Variants in NUFIP1 observed in about 807,000 individuals in gnomAD.
NUFIP1 encodes FMR1-interacting protein NUFIP1.
In NUFIP1, 38 loss-of-function variants were observed where a neutral mutation model predicts 56.2. The ratio of observed to expected loss-of-function variants is 0.68; its 90% CI spans 0.52 to 0.89. NUFIP1 has a LOEUF of 0.89. NUFIP1 is among the 40% of genes least tolerant of loss of function. The pLI is 0.00. For synonymous variants in NUFIP1, 215 were observed against 212.4 expected, an observed-to-expected ratio of 1.01 and a Z score of -0.10; for missense variants, 567 against 605.8, an observed-to-expected ratio of 0.94 and a Z score of 0.67.
chr13:44,959,937 T>C (rs1483043609), intron 6 of NUFIP1, among the ~76,000 whole-genome samples: 3 of 147,852 alleles, frequency 2.0e-5, no homozygotes, highest in South Asian at 4.2e-4. Context: ...TTTCTTCTCT[T>C]TTTTTTTTTT....
intron 6 of NUFIP1, among the ~76,000 whole-genome samples, chr13:44,960,151 C>G (rs539060484): frequency 1.3e-5 from 2 of 152,004 alleles, no homozygotes. Context: ...AGGATGGTCT[C>G]GATCTTCTGA....
intron 4 of NUFIP1, 49 bp downstream of exon 4, chr13:44,979,841 C>T (rs1184943526): frequency 2.7e-5 from 35 of 1,306,602 alleles, no homozygotes; most frequent in Non-Finnish European, 3.4e-5. Flanking sequence ...GATAACAGAT[C>T]AATAAAAAGA....
rs758444656 is a variant in NUFIP1 at position 44,959,457 on chromosome 13, G to A, written c.945C>T (p.His315=). Residue 315 remains histidine (H), a synonymous_variant, in exon 7 of 10, where the codon CAC becomes CAT. Transcript: ENST00000379161. ...GACCTTCTAGCTTCAAATCACACAA[G>A]TGACTGCCTGATCCAGTGACTGCTC... The part of the protein sequence containing the change: ...RQRAVTGSGS[H]LCDLKLEGPP... 74 of 1,614,024 alleles carry A rather than the reference G, an allele frequency of 4.6e-5. 3 individuals carry two copies. In the South Asian group the frequency reaches 8.0e-4, roughly 17 times the overall value.
At chr13:44,951,201 CCA>C (rs1487028560) in intron 7 of NUFIP1, among the ~76,000 whole-genome samples, 2 of 152,154 alleles carry the variant, frequency 1.3e-5, no homozygotes, top group South Asian at 2.1e-4. Flanking sequence ...CAGAAATCCA[CCA>C]CAGTGTTAGT....
At chr13:44,959,901 CT>C (rs1341270695) in intron 6 of NUFIP1, among the ~76,000 whole-genome samples, 1 of 151,412 alleles carries the variant, frequency 6.6e-6, no homozygotes, top group African/African-American at 2.4e-5. Context: ...TTATTTCATT[CT>C]TCTATTGTAC....
chr13:44,962,625 A>G (rs1871461138), intron 6 of NUFIP1, among the ~76,000 whole-genome samples: 1 of 152,188 alleles, frequency 6.6e-6, no homozygotes, highest in Admixed American at 6.5e-5. Context: ...TTATAAAACA[A>G]TTTAGTGTAG....
chr13:44,967,703 A>G (rs1276554802), intron 5 of NUFIP1, among the ~76,000 whole-genome samples: 1 of 152,244 alleles, frequency 6.6e-6, no homozygotes, highest in Non-Finnish European at 1.5e-5. Context: ...AGAGATATGT[A>G]CAAAGCAGTG....
In NUFIP1 at chr13:44,954,286, G is replaced by A. The variant is rs145084872; in HGVS notation, c.1022-4448C>T. Among the ~76,000 whole-genome samples, 69 of 152,116 alleles carry A rather than the reference G, an allele frequency of 4.5e-4. 1 individual carries two copies. In the East Asian group the frequency reaches 0.012, roughly 26 times the overall value. On this transcript the variant is annotated intron_variant, in intron 7 of 9. Transcript: ENST00000379161. ...TTTCTTTTACCATTAAAACATTAGCGACACTTTTCTTAGGGTAAATCTCAC... is the reference window on the plus strand; with the variant it reads ...TTTCTTTTACCATTAAAACATTAGCAACACTTTTCTTAGGGTAAATCTCAC...
chr13:44,971,285 T>C (rs1322051754), intron 5 of NUFIP1, among the ~76,000 whole-genome samples: 1 of 152,200 alleles, frequency 6.6e-6, no homozygotes, highest in Middle Eastern at 3.4e-3. Context: ...CTCATTCTCT[T>C]TAAACACCTC....
At chr13:44,984,532 C>A (rs1193408982) in intron 1 of NUFIP1, among the ~76,000 whole-genome samples, 1 of 152,136 alleles carries the variant, frequency 6.6e-6, no homozygotes, top group Non-Finnish European at 1.5e-5. Flanking sequence ...GTCCCAGCTA[C>A]TCAGGAGGCT....
rs530982335 is a variant in NUFIP1, at chr13:44,940,151, C to G, written c.*1055G>C. The G allele has an allele frequency of 6.6e-6, 1 of 152,256 alleles. No individual in the cohort carries two copies. The highest frequency in any genetic ancestry group is 1.9e-4 in the East Asian group (1 of 5,186). The allele number at this position is 152,256 out of a possible 1,614,324, so 9.4% of individuals were successfully genotyped here. A position where few individuals can be genotyped will look rare whatever the true frequency, so the allele number is the denominator to read the frequency against. On this transcript the variant is annotated 3_prime_UTR_variant, in exon 10 of 10. Transcript: ENST00000379161. The stretch of plus-strand genomic sequence containing the variant: ...AGTTAATGTATAAGGCAGATAATTT[C>G]CCAAAATATGGGGCTCACTGGAGGA...
Position 44,956,136 on chromosome 13 carries a change from C to T in NUFIP1, c.1021+3245G>A, listed in dbSNP as rs778775306. Reference sequence around the variant, plus strand: ...TCCAGCCTGGGCGACAGCGAGACTCCGTCTCAAAAAAAAAAAAAAAAAAAA... The same window carrying T: ...TCCAGCCTGGGCGACAGCGAGACTCTGTCTCAAAAAAAAAAAAAAAAAAAA... On this transcript the variant is annotated intron_variant, in intron 7 of 9. Coordinates refer to ENST00000379161, the MANE Select transcript of NUFIP1 (RefSeq NM_012345.3). 1.5e-3 allele frequency among the ~76,000 whole-genome samples: 191 copies of T among 130,072 alleles called. 1 individual carries two copies. Among genetic ancestry groups the T allele is most frequent in the Admixed American group, 5.3e-3 (66 of 12,534 alleles). The allele number at this position is 130,072 out of a possible 152,430, so 85.3% of individuals were successfully genotyped here. A position where few individuals can be genotyped will look rare whatever the true frequency, so the allele number is the denominator to read the frequency against.
Position 44,940,427 on chromosome 13 carries a change from T to C in NUFIP1, c.*779A>G, listed in dbSNP as rs964502826. Reference sequence around the variant, plus strand: ...TTAATCTTCAACTATAACAAACTAATTTTTTACAAATTTAGTCCCTTTTAG... The same window carrying C: ...TTAATCTTCAACTATAACAAACTAACTTTTTACAAATTTAGTCCCTTTTAG... On this transcript the variant is annotated 3_prime_UTR_variant, in exon 10 of 10. Coordinates refer to ENST00000379161, the MANE Select transcript of NUFIP1 (RefSeq NM_012345.3). The C allele has an allele frequency of 7.2e-5, 11 of 152,250 alleles. No homozygotes were observed. Among genetic ancestry groups the C allele is most frequent in the African/African-American group, 2.4e-4 (10 of 41,466 alleles). The allele number at this position is 152,250 out of a possible 1,614,324, so 9.4% of individuals were successfully genotyped here.
chr13:44,974,558 T>C (rs1190973791), intron 5 of NUFIP1, among the ~76,000 whole-genome samples: 4 of 152,114 alleles, frequency 2.6e-5, no homozygotes, highest in Non-Finnish European at 5.9e-5. Context: ...ATTTGTTTTG[T>C]TTTGTTTTTT....
chr13:44,950,032 C>T (rs1363335125), intron 7 of NUFIP1, among the ~76,000 whole-genome samples, 194 bp from the exon 8 acceptor site: 1 of 152,100 alleles, frequency 6.6e-6, no homozygotes, highest in Non-Finnish European at 1.5e-5. Flanking sequence ...ACCATTTGCC[C>T]CAGAGGAGAC....
At chr13:44,942,123 A>C (rs2137888612) in intron 9 of NUFIP1, among the ~76,000 whole-genome samples, 1 of 152,320 alleles carries the variant, frequency 6.6e-6, no homozygotes, top group African/African-American at 2.4e-5. Context: ...GGATTGCCCA[A>C]ACCCAAATTC....
chr13:44,943,375 C>T (rs1870809739), intron 9 of NUFIP1, 67 bp downstream of exon 9: 1 of 1,320,412 alleles, frequency 7.6e-7, no homozygotes, highest in Non-Finnish European at 1.1e-6. Flanking sequence ...CACACACACA[C>T]ACCCCAGTGG....
At position 44,941,145 on chromosome 13, in the gene NUFIP1, C is replaced by G. The variant is rs1223194450; in HGVS notation, c.*61G>C. Reference sequence around the variant, plus strand: ...CGGAAAAAAGGGTTTTGGTTTTCCTCTACTAACGAGGATGATACTGTTTCA... The same window carrying G: ...CGGAAAAAAGGGTTTTGGTTTTCCTGTACTAACGAGGATGATACTGTTTCA... On this transcript the variant is annotated 3_prime_UTR_variant, in exon 10 of 10. Transcript: ENST00000379161. 1.2e-6 allele frequency: 1 copy of G among 841,602 alleles called. No homozygotes were observed. The highest frequency in any genetic ancestry group is 1.9e-6 in the Non-Finnish European group (1 of 523,904). 52.1% of individuals were successfully genotyped at this position (841,602 alleles called of 1,614,324 possible).
chr13:44,939,749 A>G lies in NUFIP1; in HGVS notation c.*1457T>C, dbSNP rs1870668118. 1.3e-5 allele frequency: 2 copies of G among 152,214 alleles called. No homozygotes were observed. The highest frequency in any genetic ancestry group is 4.8e-5 in the African/African-American group (2 of 41,444). The allele number at this position is 152,214 out of a possible 1,614,324, so 9.4% of individuals were successfully genotyped here. Reference sequence around the variant, plus strand: ...AGTCCTAAATACATTTATTATCAGGAAACAAGAAAAATGGAAAATAAAACT... The same window carrying G: ...AGTCCTAAATACATTTATTATCAGGGAACAAGAAAAATGGAAAATAAAACT... On this transcript the variant is annotated 3_prime_UTR_variant, in exon 10 of 10. Coordinates refer to ENST00000379161, the MANE Select transcript of NUFIP1 (RefSeq NM_012345.3).
Sources: gnomAD v4.1 joint callset for allele counts (sites outside exome capture counted in the v4.1 genomes callset) on GRCh38, gnomAD v4.1.1 for gene constraint, MANE v1.5 for transcripts, NCBI Gene and HGNC (gene_info 2026-07-23, HGNC 2026-07-21) for gene names.